Variants in DMRT1 observed in about 807,000 individuals in gnomAD.
DMRT1 encodes doublesex- and mab-3-related transcription factor 1.
A neutral mutation model predicts 32.3 loss-of-function variants in DMRT1; 7 were observed. The ratio of observed to expected loss-of-function variants is 0.22; its 90% CI spans 0.12 to 0.41. The LOEUF is 0.41. Among genes scored for constraint, DMRT1 ranks in the 10% least tolerant of loss-of-function variants. The probability of loss-of-function intolerance (pLI) is 1.00; values close to 1 mark genes in which losing one functional copy is unlikely to be tolerated. For missense variants in DMRT1, 625 were observed against 500.5 expected (o/e 1.25, Z -2.37); for synonymous variants, 278 against 206.1 (o/e 1.35, Z -2.99).
chr9:844,129 G>C (rs1193825558), intron 1 of DMRT1, among the ~76,000 whole-genome samples: 5 of 152,048 alleles, frequency 3.3e-5, no homozygotes, highest in Non-Finnish European at 5.9e-5. Flanking sequence ...AATTAATTTT[G>C]AATAACCTTT....
At chr9:911,006 C>T (rs1363345060) in intron 3 of DMRT1, among the ~76,000 whole-genome samples, 4 of 152,094 alleles carry the variant, frequency 2.6e-5, no homozygotes, top group African/African-American at 4.8e-5. Context: ...ATTTCTTTGC[C>T]GCTCTTGTCC....
chr9:873,835 A>G (rs1216654487), intron 2 of DMRT1, among the ~76,000 whole-genome samples: 2 of 152,206 alleles, frequency 1.3e-5, no homozygotes, highest in East Asian at 1.9e-4. Context: ...GAGAGAACAG[A>G]CAATGCATAG....
chr9:890,359 A>G (rs1355624757), intron 2 of DMRT1, among the ~76,000 whole-genome samples: 1 of 152,200 alleles, frequency 6.6e-6, no homozygotes, highest in East Asian at 1.9e-4. Flanking sequence ...GGAATGTCTC[A>G]TCTCATTAGC....
intron 4 of DMRT1, among the ~76,000 whole-genome samples, chr9:941,477 T>G (rs1408281751): frequency 6.6e-6 from 1 of 152,180 alleles, no homozygotes; most frequent in Non-Finnish European, 1.5e-5. Context: ...TTTAAGGTAC[T>G]TAGAGTAGTC....
intron 3 of DMRT1, among the ~76,000 whole-genome samples, chr9:896,524 C>A (rs73374788): frequency 0.041 from 6,187 of 152,040 alleles, 183 homozygotes; most frequent in African/African-American, 0.086. Flanking sequence ...ACTTTTTAAG[C>A]ATTATTTAGG....
chr9:852,796 C>T (rs1390029774), intron 2 of DMRT1, among the ~76,000 whole-genome samples: 1 of 152,180 alleles, frequency 6.6e-6, no homozygotes, highest in East Asian at 1.9e-4. Context: ...GGCTCGTGGC[C>T]CAGTTTCAGT....
chr9:961,820 CAG>C (rs1252507843), intron 4 of DMRT1, among the ~76,000 whole-genome samples: 2 of 152,182 alleles, frequency 1.3e-5, no homozygotes, highest in African/African-American at 2.4e-5. Flanking sequence ...AGACAGCTGA[CAG>C]AGGAATTAAG....
intron 3 of DMRT1, among the ~76,000 whole-genome samples, chr9:902,030 G>A (rs144838555): frequency 1.8e-3 from 259 of 147,466 alleles, no homozygotes; most frequent in African/African-American, 6.3e-3. Context: ...CTGCCTCAGC[G>A]TCCTGAGTAG....
intron 2 of DMRT1, among the ~76,000 whole-genome samples, chr9:850,573 T>TA (rs1404134079): frequency 1.3e-5 from 2 of 152,256 alleles, no homozygotes; most frequent in African/African-American, 4.8e-5. Flanking sequence ...CAGGATGATT[T>TA]ACTGCATGTA....
intron 2 of DMRT1, among the ~76,000 whole-genome samples, chr9:866,163 C>CAAAAAAAAAAA (rs71327351): frequency 3.8e-5 from 2 of 52,680 alleles, no homozygotes; most frequent in Non-Finnish European, 6.2e-5. Context: ...GAGTCCATCT[C>CAAAAAAAAAAA]AAAAAAAAAA....
intron 2 of DMRT1, among the ~76,000 whole-genome samples, chr9:883,806 A>C (rs1378051679): frequency 6.6e-6 from 1 of 150,682 alleles, no homozygotes; most frequent in Non-Finnish European, 1.5e-5. Context: ...AAAAAAAAAA[A>C]TGGGGAAAAC....
chr9:928,627 CAG>C (rs956882687), intron 4 of DMRT1, among the ~76,000 whole-genome samples: 5 of 152,098 alleles, frequency 3.3e-5, no homozygotes, highest in Non-Finnish European at 7.4e-5. Context: ...CTTGGAGAAC[CAG>C]AGACTATACC....
At chr9:847,861 A>G (rs1296784699) in intron 2 of DMRT1, among the ~76,000 whole-genome samples, 3 of 152,232 alleles carry the variant, frequency 2.0e-5, no homozygotes, top group East Asian at 3.8e-4. Context: ...AATGAAATAA[A>G]TGAAAACATT....
chr9:936,990 A>G (rs1306575078), intron 4 of DMRT1, among the ~76,000 whole-genome samples: 1 of 152,196 alleles, frequency 6.6e-6, no homozygotes, highest in Admixed American at 6.5e-5. Context: ...CTCTTAAGCA[A>G]TAACTTCCCA....
intron 4 of DMRT1, among the ~76,000 whole-genome samples, chr9:921,948 A>G (rs117386576): frequency 6.6e-6 from 1 of 152,204 alleles, no homozygotes; most frequent in Non-Finnish European, 1.5e-5. Context: ...GGGTGCAATC[A>G]TAGCTCACTG....
At chr9:854,615 T>G (rs1433515299) in intron 2 of DMRT1, among the ~76,000 whole-genome samples, 1 of 152,122 alleles carries the variant, frequency 6.6e-6, no homozygotes, top group African/African-American at 2.4e-5. Context: ...GTCTGGCCAC[T>G]TAAGTGAAAT....
intron 4 of DMRT1, among the ~76,000 whole-genome samples, chr9:931,525 C>A (rs1168832165): frequency 1.3e-5 from 2 of 152,172 alleles, no homozygotes; most frequent in Non-Finnish European, 2.9e-5. Context: ...GGTGGCCCAA[C>A]AACAGAAATT....
intron 4 of DMRT1, among the ~76,000 whole-genome samples, chr9:927,424 C>G (rs1360585059): frequency 6.6e-6 from 1 of 152,174 alleles, no homozygotes. Context: ...GTCAGCGGCC[C>G]TTTATAGTAA....
chr9:878,462 A>G (rs1452311900), intron 2 of DMRT1, among the ~76,000 whole-genome samples: 3 of 152,124 alleles, frequency 2.0e-5, no homozygotes, highest in African/African-American at 7.2e-5. Context: ...TAGCCCTGTC[A>G]TGATTGCCTT....
Sources: allele counts gnomAD v4.1 joint callset (sites outside exome capture counted in the v4.1 genomes callset), GRCh38; gene constraint gnomAD v4.1.1; transcripts MANE v1.5; gene names NCBI Gene and HGNC (gene_info 2026-07-23, HGNC 2026-07-21).